Variants in ANO4 observed in about 807,000 individuals in gnomAD.
ANO4 encodes the protein anoctamin-4.
ANO4 carries 69 observed loss-of-function variants against 141.9 expected under a neutral mutation model. That is an observed-to-expected ratio of 0.49 (90% CI 0.40 to 0.59). The LOEUF is 0.59. ANO4 is among the 20% of genes least tolerant of loss of function. ANO4 has a pLI of 0.00. For missense variants in ANO4, 894 were observed against 1,162.2 expected (o/e 0.77, Z 3.36); for synonymous variants, 350 against 394.3 (o/e 0.89, Z 1.33).
At chr12:101,113,362 A>T (rs2050734944) in intron 24 of ANO4, among the ~76,000 whole-genome samples, 3 of 152,236 alleles carry the variant, frequency 2.0e-5, no homozygotes. Flanking sequence ...TAGAATTTTA[A>T]CAACCTGGTA....
At chr12:100,858,975 CAG>C (rs2038330525) in intron 1 of ANO4, 1 of 152,058 alleles carries the variant, frequency 6.6e-6, no homozygotes, top group Non-Finnish European at 1.5e-5. Context: ...TTTTATCTGC[CAG>C]AGAAGAAGAG....
At chr12:101,075,902 T>C (rs1246428917) in intron 14 of ANO4, among the ~76,000 whole-genome samples, 1 of 151,562 alleles carries the variant, frequency 6.6e-6, no homozygotes, top group African/African-American at 2.4e-5. Flanking sequence ...TAATGAGGGA[T>C]TGGAACTTTG....
chr12:100,975,777 A>G (rs765328748), intron 7 of ANO4, among the ~76,000 whole-genome samples: 9 of 151,942 alleles, frequency 5.9e-5, no homozygotes, highest in Non-Finnish European at 1.0e-4. Flanking sequence ...TCCCTCCACT[A>G]TATGTAATTT....
At chr12:100,918,260 GA>G (rs894593124) in intron 2 of ANO4, among the ~76,000 whole-genome samples, 27 of 152,206 alleles carry the variant, frequency 1.8e-4, no homozygotes, top group African/African-American at 6.3e-4. Context: ...CTAGGAGGTT[GA>G]GGTTGCAGTA....
intron 1 of ANO4, among the ~76,000 whole-genome samples, chr12:100,877,292 A>C (rs775384380): frequency 4.8e-4 from 73 of 151,838 alleles, no homozygotes; most frequent in Non-Finnish European, 9.3e-4. Flanking sequence ...TCACAAAAAA[A>C]GATAAGTGTA....
At chr12:100,724,422 C>T (rs2031012554) in intron 1 of ANO4, among the ~76,000 whole-genome samples, 1 of 152,164 alleles carries the variant, frequency 6.6e-6, no homozygotes, top group Non-Finnish European at 1.5e-5. Context: ...CTGGGTCTCA[C>T]TCAGGTCTGA....
At chr12:100,758,819 C>T (rs937649779) in intron 3 of ANO4, among the ~76,000 whole-genome samples, 1 of 152,160 alleles carries the variant, frequency 6.6e-6, no homozygotes, top group Admixed American at 6.5e-5. Flanking sequence ...CTTTCCTGTT[C>T]CAGCTTCTGG....
In ANO4 at chr12:101,028,553, T is replaced by C. The variant is rs117796662; in HGVS notation, c.841+8413T>C. Among the ~76,000 whole-genome samples the C allele has an allele frequency of 6.9e-3, 1,046 of 152,192 alleles. 14 individuals are homozygous for C. The highest frequency in any genetic ancestry group is 0.023 in the African/African-American group (970 of 41,510). ...CATACACAAGTATCAGTAGCTGAAT[T>C]GACCAAGAGGAAGAAAGGATATCAG... On this transcript the variant is annotated intron_variant, in intron 9 of 27. Transcript: ENST00000392977.
intron 10 of ANO4, chr12:101,038,482 A>G (rs1286787366): frequency 6.6e-6 from 1 of 152,178 alleles, no homozygotes; most frequent in Non-Finnish European, 1.5e-5. Context: ...TGCCTTTCAC[A>G]ATGACTTTCC....
chr12:100,819,128 T>A (rs1399984745), intron 1 of ANO4, among the ~76,000 whole-genome samples: 1 of 150,736 alleles, frequency 6.6e-6, no homozygotes, highest in Admixed American at 6.7e-5. Flanking sequence ...ATTTTTTTTG[T>A]CTAGTAGGTG....
intron 1 of ANO4, among the ~76,000 whole-genome samples, chr12:100,844,111 T>C (rs890448133): frequency 2.6e-5 from 4 of 151,978 alleles, no homozygotes; most frequent in African/African-American, 9.7e-5. Context: ...CTTCATGGAG[T>C]GTACACTGTA....
At chr12:100,884,314 T>G (rs2039715843) in intron 1 of ANO4, among the ~76,000 whole-genome samples, 1 of 152,016 alleles carries the variant, frequency 6.6e-6, no homozygotes, top group Admixed American at 6.5e-5. Flanking sequence ...TATGGTCAGT[T>G]AAGGAAATTA....
chr12:101,005,627 A>C (rs1281581121), intron 8 of ANO4, among the ~76,000 whole-genome samples: 2 of 152,242 alleles, frequency 1.3e-5, no homozygotes, highest in African/African-American at 4.8e-5. Context: ...AATAAAAAAT[A>C]GCCATATAAT....
Position 101,054,407 on chromosome 12 carries a change from A to G in ANO4, c.1312+6006A>G, listed in dbSNP as rs556321758. Among the ~76,000 whole-genome samples, 121 of 152,384 alleles carry G rather than the reference A, an allele frequency of 7.9e-4. 1 individual carries two copies. Among genetic ancestry groups the G allele is most frequent in the Admixed American group, 7.6e-3 (116 of 15,314 alleles). On this transcript the variant is annotated intron_variant, in intron 14 of 27. Coordinates refer to ENST00000392977, the MANE Select transcript of ANO4 (RefSeq NM_001286615.2). ...CAACTTTAAGTATAATTTATGTGCA[A>G]TAAAATCCAGCAACTTTAAGTGAAC...
intron 3 of ANO4, among the ~76,000 whole-genome samples, chr12:100,748,054 G>T (rs562053518): frequency 1.3e-5 from 2 of 152,182 alleles, no homozygotes; most frequent in African/African-American, 4.8e-5. Flanking sequence ...TTATATTGAC[G>T]GGGAAGATGT....
intron 5 of ANO4, among the ~76,000 whole-genome samples, chr12:100,952,497 G>A (rs1046607600): frequency 6.6e-6 from 1 of 152,186 alleles, no homozygotes; most frequent in Admixed American, 6.5e-5. Context: ...TGAAGCTCAA[G>A]CATTCAATCC....
intron 1 of ANO4, among the ~76,000 whole-genome samples, chr12:100,725,399 T>A (rs2031069692): frequency 7.0e-6 from 1 of 143,778 alleles, no homozygotes; most frequent in South Asian, 2.2e-4. Flanking sequence ...CAGGCTGGAG[T>A]GCAGTGGCGC....
intron 16 of ANO4, 45 bp from the exon 17 acceptor site, chr12:101,086,615 A>C (rs1368841525): frequency 6.2e-7 from 1 of 1,608,852 alleles, no homozygotes; most frequent in Non-Finnish European, 8.5e-7. Context: ...CTCTTCCTGT[A>C]ACATTCCACC....
intron 1 of ANO4, among the ~76,000 whole-genome samples, chr12:100,853,408 GT>G (rs1593523783): frequency 1.3e-5 from 2 of 152,016 alleles, no homozygotes; most frequent in East Asian, 3.8e-4. Flanking sequence ...CTAGAGATTT[GT>G]TTTTACCTTC....
Sources: allele counts gnomAD v4.1 joint callset (sites outside exome capture counted in the v4.1 genomes callset), GRCh38; gene constraint gnomAD v4.1.1; transcripts MANE v1.5; gene names NCBI Gene and HGNC (gene_info 2026-07-23, HGNC 2026-07-21).